The following HMBOX1 variants were observed in gnomAD, a reference collection of about 807,000 sequenced individuals.
HMBOX1 encodes the protein homeobox-containing protein 1.
HMBOX1 carries 14 observed loss-of-function variants against 54.5 expected under a neutral mutation model. The ratio of observed to expected loss-of-function variants is 0.26; its 90% CI spans 0.17 to 0.40. The LOEUF (loss-of-function observed/expected upper bound fraction) is 0.40. Ranked by LOEUF, HMBOX1 falls within the 10% of genes least tolerant of loss-of-function variation. The probability of loss-of-function intolerance (pLI) is 1.00; values close to 1 mark genes in which losing one functional copy is unlikely to be tolerated. For missense variants in HMBOX1, 332 were observed against 514.4 expected (o/e 0.65, Z 3.43); for synonymous variants, 160 against 181.0 (o/e 0.88, Z 0.93).
chr8:29,042,232 G>A (rs1351270787), intron 6 of HMBOX1, among the ~76,000 whole-genome samples: 1 of 152,124 alleles, frequency 6.6e-6, no homozygotes, highest in Non-Finnish European at 1.5e-5. Flanking sequence ...GGAAAGAAAG[G>A]AGAGTTGAGA....
chr8:28,921,007 C>T (rs1185116495), intron 1 of HMBOX1, among the ~76,000 whole-genome samples: 1 of 152,162 alleles, frequency 6.6e-6, no homozygotes, highest in Non-Finnish European at 1.5e-5. Flanking sequence ...ATAAATAAAT[C>T]TTTAAAACAA....
chr8:28,930,058 C>G (rs1819221368), intron 1 of HMBOX1, among the ~76,000 whole-genome samples: 1 of 151,680 alleles, frequency 6.6e-6, no homozygotes, highest in Admixed American at 6.6e-5. Flanking sequence ...ACATATTTCT[C>G]TTGGTTAGGG....
chr8:29,003,490 GTGTGTGTATA>G (rs1277070941), intron 4 of HMBOX1, among the ~76,000 whole-genome samples: 1 of 42,596 alleles, frequency 2.3e-5, no homozygotes, highest in African/African-American at 8.2e-5. Flanking sequence ...CTGGTTGTGT[GTGTGTGTATA>G]TATATATATA....
intron 5 of HMBOX1, among the ~76,000 whole-genome samples, chr8:29,017,759 A>G (rs1351444013): frequency 6.6e-6 from 1 of 152,324 alleles, no homozygotes; most frequent in East Asian, 1.9e-4. Context: ...AGCTATTAAG[A>G]AGGGGATCTA....
At chr8:29,021,707 A>C (rs1206993712) in intron 6 of HMBOX1, among the ~76,000 whole-genome samples, 1 of 151,950 alleles carries the variant, frequency 6.6e-6, no homozygotes, top group Admixed American at 6.6e-5. Context: ...TAGAAAAAAA[A>C]AAATTAGCCG....
chr8:28,921,576 T>G (rs574720907), intron 1 of HMBOX1, among the ~76,000 whole-genome samples: 1 of 152,314 alleles, frequency 6.6e-6, no homozygotes, highest in African/African-American at 2.4e-5. Flanking sequence ...TGAACCAACA[T>G]GATTACGAGA....
chr8:28,903,108 C>T (rs1394247506), intron 1 of HMBOX1, among the ~76,000 whole-genome samples: 1 of 151,250 alleles, frequency 6.6e-6, no homozygotes, highest in African/African-American at 2.4e-5. Context: ...CTTTCTTTTA[C>T]ACACACACAC....
At chr8:29,009,274 G>C in intron 5 of HMBOX1, 92 bp downstream of exon 5, 2 of 1,172,926 alleles carry the variant, frequency 1.7e-6, no homozygotes, top group East Asian at 4.8e-5. Flanking sequence ...TGTTCAGTAA[G>C]ATGGTTTCAT....
intron 1 of HMBOX1, chr8:28,924,781 T>G (rs1216209294): frequency 1.3e-5 from 2 of 152,050 alleles, no homozygotes; most frequent in African/African-American, 2.4e-5. Flanking sequence ...CCCGGCTAAT[T>G]TTGTATTTTT....
intron 1 of HMBOX1, among the ~76,000 whole-genome samples, chr8:28,918,194 G>GTTATTT (rs983654983): frequency 9.2e-5 from 14 of 152,086 alleles, no homozygotes; most frequent in African/African-American, 1.7e-4. Context: ...AACTATTCAT[G>GTTATTT]TTATTTTTAT....
chr8:28,967,386 G>A (rs1410262582), intron 2 of HMBOX1, among the ~76,000 whole-genome samples: 1 of 152,184 alleles, frequency 6.6e-6, no homozygotes, highest in African/African-American at 2.4e-5. Flanking sequence ...TGTTTCATAT[G>A]CTGTGAAATC....
At chr8:28,906,587 A>G (rs1325743048) in intron 1 of HMBOX1, among the ~76,000 whole-genome samples, 2 of 151,980 alleles carry the variant, frequency 1.3e-5, no homozygotes, top group Admixed American at 1.3e-4. Context: ...ATGACTTATT[A>G]TTATTATTAT....
intron 1 of HMBOX1, among the ~76,000 whole-genome samples, chr8:28,917,467 G>C (rs563815557): frequency 6.6e-6 from 1 of 152,128 alleles, no homozygotes; most frequent in African/African-American, 2.4e-5. Context: ...GAAACCTTAA[G>C]ATTTTCTACA....
intron 1 of HMBOX1, among the ~76,000 whole-genome samples, chr8:28,915,131 C>T (rs1294229711): frequency 6.6e-6 from 1 of 152,166 alleles, no homozygotes; most frequent in Non-Finnish European, 1.5e-5. Context: ...TGTTGTTTTA[C>T]TTTGCATTCT....
chr8:28,988,116 C>T (rs1830425574), intron 4 of HMBOX1, among the ~76,000 whole-genome samples: 1 of 152,192 alleles, frequency 6.6e-6, no homozygotes, highest in Non-Finnish European at 1.5e-5. Flanking sequence ...GGCAACCATT[C>T]ATCTGCATTC....
intron 1 of HMBOX1, among the ~76,000 whole-genome samples, chr8:28,949,440 C>A (rs1823016916): frequency 6.6e-6 from 1 of 152,234 alleles, no homozygotes; most frequent in African/African-American, 2.4e-5. Flanking sequence ...TTATCAAGAA[C>A]AAAGCCTATT....
rs756505131 is a variant in HMBOX1 at position 29,052,007 on chromosome 8, G to A, written c.*852G>A. On this transcript the variant is annotated 3_prime_UTR_variant, in exon 10 of 10. Coordinates refer to ENST00000287701, the MANE Select transcript of HMBOX1 (RefSeq NM_001135726.3). Reference sequence around the variant, plus strand: ...TTTTCAGAACCACTGTACATTCCACGGCACAGTTAGCAGTGCCTGCCTGGA... The same window carrying A: ...TTTTCAGAACCACTGTACATTCCACAGCACAGTTAGCAGTGCCTGCCTGGA... 6 of 160,314 alleles carry A rather than the reference G, an allele frequency of 3.7e-5. No individual in the cohort carries two copies. The highest frequency in any genetic ancestry group is 6.8e-5 in the Non-Finnish European group (5 of 73,192). 9.9% of individuals were successfully genotyped at this position (160,314 alleles called of 1,614,324 possible). A position where few individuals can be genotyped will look rare whatever the true frequency, so the allele number is the denominator to read the frequency against.
intron 1 of HMBOX1, among the ~76,000 whole-genome samples, chr8:28,954,827 G>A (rs1824118327): frequency 2.6e-5 from 4 of 152,156 alleles, no homozygotes; most frequent in Admixed American, 2.6e-4. Flanking sequence ...ACTTTGGGGT[G>A]GGAGACCAGC....
intron 1 of HMBOX1, among the ~76,000 whole-genome samples, chr8:28,933,835 T>C (rs1012218140): frequency 1.3e-5 from 2 of 152,234 alleles, no homozygotes; most frequent in African/African-American, 2.4e-5. Context: ...TAAAAACCTT[T>C]CGTGCAAAGA....
Sources: allele counts gnomAD v4.1 joint callset (sites outside exome capture counted in the v4.1 genomes callset), GRCh38; gene constraint gnomAD v4.1.1; transcripts MANE v1.5; gene names NCBI Gene and HGNC (gene_info 2026-07-23, HGNC 2026-07-21).